Variants in COG8 observed in about 807,000 individuals in gnomAD.
COG8 encodes the protein component of oligomeric golgi complex 8.
Under a neutral mutation model 46.5 loss-of-function variants are expected in COG8, and 45 were observed. That is an observed-to-expected ratio of 0.97 (90% CI 0.76 to 1.24). The LOEUF is 1.24. Ranked by LOEUF, COG8 falls within the 50% of genes most tolerant of loss-of-function variation. The probability of loss-of-function intolerance (pLI) is 0.00; values close to 1 mark genes in which losing one functional copy is unlikely to be tolerated. For synonymous variants in COG8, 407 were observed against 347.8 expected (o/e 1.17, Z -1.90); for missense variants, 793 against 820.8 (o/e 0.97, Z 0.41).
Position 69,326,837 on chromosome 16 carries a change from G to A in COG8, c.*2369C>T, listed in dbSNP as rs1012402131. The A allele has an allele frequency of 3.3e-5, 5 of 152,174 alleles. No homozygotes were observed. Among genetic ancestry groups the A allele is most frequent in the Non-Finnish European group, 5.9e-5 (4 of 68,030 alleles). The allele number at this position is 152,174 out of a possible 1,614,324, so 9.4% of individuals were successfully genotyped here. ...GGAAGTTGATTTCTAAAACTCTGAT[G>A]AGCTCACAACGTTGACATGTATATG... On this transcript the variant is annotated 3_prime_UTR_variant, in exon 6 of 6. Coordinates refer to ENST00000306875, the MANE Select transcript of COG8 (RefSeq NM_032382.5).
Position 69,336,513 on chromosome 16 carries a change from C to G in COG8, c.577G>C (p.Val193Leu). ...CTGGGCAAGGTGGCTACCTGGATGA[C>G]AGGGATGGAAGAGTATTTCCTCTCC... Reference protein sequence around the residue: ...RLERKYSSIPVIQGIVNEVRQ... With the variant: ...RLERKYSSIPLIQGIVNEVRQ... Residue 193 changes from valine to leucine, a missense_variant, in exon 2 of 6, where the codon GTC becomes CTC. Val to Leu is a conservative substitution (Grantham distance 32). Transcript: ENST00000306875. 1 of 1,614,058 alleles carries G rather than the reference C, an allele frequency of 6.2e-7. No individual in the cohort carries two copies. Among genetic ancestry groups the G allele is most frequent in the Non-Finnish European group, 8.5e-7 (1 of 1,180,014 alleles).
At chr16:69,338,500 T>C (rs2012330329) in intron 1 of COG8, 1 of 152,342 alleles carries the variant, frequency 6.6e-6, no homozygotes, top group African/African-American at 2.4e-5. Flanking sequence ...AATGTGCACA[T>C]ATATTCAGCT....
intron 5 of COG8, 28 bp downstream of exon 5, chr16:69,330,785 G>C: frequency 1.3e-6 from 2 of 1,502,750 alleles, no homozygotes; most frequent in Non-Finnish European, 8.8e-7. Flanking sequence ...GGCAGTCCTG[G>C]CCACCCCGCG....
chr16:69,339,085 G>A (rs985896275), intron 1 of COG8, 91 bp downstream of exon 1: 2 of 1,565,962 alleles, frequency 1.3e-6, no homozygotes, highest in East Asian at 4.5e-5. Context: ...AACCTGGAAC[G>A]TGGTAAACGC....
chr16:69,328,777 G>A lies in COG8; in HGVS notation c.*429C>T. 1 of 499,522 alleles carries A rather than the reference G, an allele frequency of 2.0e-6. No homozygotes were observed. The allele number at this position is 499,522 out of a possible 1,614,324, so 30.9% of individuals were successfully genotyped here. ...ACCCCACCTTCCTCCATACAGAATT[G>A]TTAGGAAATGTCCACTCCTTTGGGG... On this transcript the variant is annotated 3_prime_UTR_variant, in exon 6 of 6. Transcript: ENST00000306875.
chr16:69,335,778 T>C (rs1272041882), intron 2 of COG8, among the ~76,000 whole-genome samples: 5 of 147,050 alleles, frequency 3.4e-5, no homozygotes, highest in Admixed American at 6.9e-5. Flanking sequence ...GTCGCACCAC[T>C]GCACTCCAGC....
chr16:69,330,649 A>C lies in COG8; in HGVS notation c.*26+164T>G, dbSNP rs991110846. On this transcript the variant is annotated intron_variant, in intron 5 of 5. Coordinates refer to ENST00000306875, the MANE Select transcript of COG8 (RefSeq NM_032382.5). ...ACGCCGGGAAGCGCCGTCGGCCAGC[A>C]CACAGCGAAGCCGCGACTGGATCCC... 4.3e-6 allele frequency: 6 copies of C among 1,409,846 alleles called. No homozygotes were observed. The Admixed American group carries it at 1.6e-4, about 36-fold the overall frequency. 87.3% of individuals were successfully genotyped at this position (1,409,846 alleles called of 1,614,324 possible).
At chr16:69,334,454 A>G in intron 3 of COG8, 67 bp downstream of exon 3, 2 of 1,365,740 alleles carry the variant, frequency 1.5e-6, no homozygotes, top group Non-Finnish European at 2.1e-6. Flanking sequence ...CGGGTTTATT[A>G]CAAAAATCTG....
In COG8 at chr16:69,339,445, G is replaced by A. The variant is rs933770642; in HGVS notation, c.108C>T (p.Pro36=). 1.3e-6 allele frequency: 2 copies of A among 1,592,812 alleles called. No individual in the cohort carries two copies. Among genetic ancestry groups the A allele is most frequent in the Non-Finnish European group, 1.7e-6 (2 of 1,175,200 alleles). Reference sequence around the variant, plus strand: ...CGGGCCGCTCGCGCCACTGGGCCTCGGGGAAGCGGTCCCGGAACAGCGACG... The same window carrying A: ...CGGGCCGCTCGCGCCACTGGGCCTCAGGGAAGCGGTCCCGGAACAGCGACG... ...LLASLFRDRF[P]EAQWRERPDV... The change falls in exon 1 of 6, where the codon CCC becomes CCT. Residue 36 remains proline, a synonymous_variant. Coordinates refer to ENST00000306875, the MANE Select transcript of COG8 (RefSeq NM_032382.5).
At chr16:69,330,188 G>C (rs1421665561) in intron 5 of COG8, 1 of 1,483,504 alleles carries the variant, frequency 6.7e-7, no homozygotes, top group Non-Finnish European at 8.9e-7. Context: ...CAGCGCCTCG[G>C]GGAGCTCCAG....
intron 5 of COG8, 101 bp from the exon 6 acceptor site, chr16:69,329,280 G>A (rs1220200565): frequency 7.0e-6 from 9 of 1,281,386 alleles, no homozygotes; most frequent in African/African-American, 1.5e-5. Flanking sequence ...CCATTGACAA[G>A]AGGCAACAGC....
rs1016362960 is a variant in COG8 at position 69,334,832 on chromosome 16, C to T, written c.1102G>A (p.Ala368Thr). 4 of 1,614,048 alleles carry T rather than the reference C, an allele frequency of 2.5e-6. No individual in the cohort carries two copies. Among genetic ancestry groups the T allele is most frequent in the Admixed American group, 3.3e-5 (2 of 60,006 alleles). The change falls in exon 3 of 6, where the codon GCT (alanine) becomes ACT (threonine). Residue 368 changes from alanine to threonine, a missense_variant. Physicochemically the swap from Ala to Thr is moderately conservative, Grantham distance 58 (BLOSUM62 0). Transcript: ENST00000306875. ...RVGADFRGQL[A>T]PVFQRVAIST... ...ATGGCCACCCGCTGGAAAACAGGAGCCAACTGACCCCGGAAATCAGCTCCC... is the reference window on the plus strand; with the variant it reads ...ATGGCCACCCGCTGGAAAACAGGAGTCAACTGACCCCGGAAATCAGCTCCC...
rs1024055252 is a variant in COG8 at position 69,327,053 on chromosome 16, G to A, written c.*2153C>T. On this transcript the variant is annotated 3_prime_UTR_variant, in exon 6 of 6. Coordinates refer to ENST00000306875, the MANE Select transcript of COG8 (RefSeq NM_032382.5). Reference sequence around the variant, plus strand: ...TGTCCAAATGAAAGGAGGCTCAGCTGAATTCTAATTTTCCTAAAGACCCAT... The same window carrying A: ...TGTCCAAATGAAAGGAGGCTCAGCTAAATTCTAATTTTCCTAAAGACCCAT... 1.3e-5 allele frequency: 2 copies of A among 151,098 alleles called. No individual in the cohort carries two copies. The highest frequency in any genetic ancestry group is 2.4e-5 in the African/African-American group (1 of 41,160). The allele number at this position is 151,098 out of a possible 1,614,324, so 9.4% of individuals were successfully genotyped here. A position where few individuals can be genotyped will look rare whatever the true frequency, so the allele number is the denominator to read the frequency against.
chr16:69,339,381 G>GC lies in COG8; in HGVS notation c.171dup (p.Leu58AlafsTer29), dbSNP rs774368102. ...TCGGGCTCGCGCCGCAGCCGCTCCA[G>GC]CCCCGAGCCGCTCAACTCCCGGAGG... On this transcript the variant is annotated frameshift_variant, in exon 1 of 6. Transcript: ENST00000306875. LOFTEE classifies it high-confidence loss of function. 6.3e-7 allele frequency: 1 copy of GC among 1,582,836 alleles called. No individual in the cohort carries two copies. The highest frequency in any genetic ancestry group is 2.3e-5 in the East Asian group (1 of 43,524).
At position 69,330,084 on chromosome 16, in the gene COG8, T is replaced by A. The variant is rs777088009; in HGVS notation, c.*26+729A>T. 10 of 1,572,960 alleles carry A rather than the reference T, an allele frequency of 6.4e-6. No homozygotes were observed. The Admixed American group carries it at 1.6e-4, about 26-fold the overall frequency. On this transcript the variant is annotated intron_variant, in intron 5 of 5. Transcript: ENST00000306875. ...CCCTCGGGAAAGGTGACCAGGCGGC[T>A]GTCAAGCACTCGCAGGCTGGGGTTC... is the stretch of plus-strand genomic sequence containing the variant.
chr16:69,339,073 AG>A, intron 1 of COG8, 102 bp downstream of exon 1: 1 of 1,519,646 alleles, frequency 6.6e-7, no homozygotes, highest in Non-Finnish European at 9.1e-7. Flanking sequence ...CGCTCAGCAG[AG>A]AACCTGGAAC....
Position 69,328,210 on chromosome 16 carries a change from T to G in COG8, c.*996A>C, listed in dbSNP as rs1347099880. The G allele has an allele frequency of 6.6e-6, 1 of 152,212 alleles. No homozygotes were observed. The highest frequency in any genetic ancestry group is 1.5e-5 in the Non-Finnish European group (1 of 68,076). The allele number at this position is 152,212 out of a possible 1,614,324, so 9.4% of individuals were successfully genotyped here. ...ATCCACCCGCCCCGCCCTCCCAAAG[T>G]GCTGGGATTACAGGCGTGAACCACT... is the stretch of plus-strand genomic sequence containing the variant. On this transcript the variant is annotated 3_prime_UTR_variant, in exon 6 of 6. Coordinates refer to ENST00000306875, the MANE Select transcript of COG8 (RefSeq NM_032382.5).
In COG8 at chr16:69,335,021, C is replaced by G; in HGVS notation, c.913G>C (p.Gly305Arg). Reference protein sequence around the residue: ...DEDPLLPPAMGEHTVNESAIF... With the variant: ...DEDPLLPPAMREHTVNESAIF... ...GCACTCTCATTCACAGTGTGCTCACCCATGGCAGGGGGCAGCAGTGGGTCC... is the reference window on the plus strand; with the variant it reads ...GCACTCTCATTCACAGTGTGCTCACGCATGGCAGGGGGCAGCAGTGGGTCC... The change falls in exon 3 of 6, where the codon GGT becomes CGT. Residue 305 changes from glycine to arginine, a missense_variant. By Grantham distance (125) the Gly-to-Arg change is moderately radical. Coordinates refer to ENST00000306875, the MANE Select transcript of COG8 (RefSeq NM_032382.5). 2 of 1,614,174 alleles carry G rather than the reference C, an allele frequency of 1.2e-6. No homozygotes were observed. Among genetic ancestry groups the G allele is most frequent in the Non-Finnish European group, 1.7e-6 (2 of 1,180,032 alleles).
At chr16:69,335,621 A>C (rs111649551) in intron 2 of COG8, among the ~76,000 whole-genome samples, 11 of 152,220 alleles carry the variant, frequency 7.2e-5, no homozygotes, top group African/African-American at 2.2e-4. Flanking sequence ...GTTTGAGACC[A>C]ATCTGGCCAA....
Sources: allele counts gnomAD v4.1 joint callset (sites outside exome capture counted in the v4.1 genomes callset), GRCh38; gene constraint gnomAD v4.1.1; transcripts MANE v1.5; gene names NCBI Gene and HGNC (gene_info 2026-07-23, HGNC 2026-07-21).